Variants in VSTM2B observed in about 807,000 individuals in gnomAD.
VSTM2B encodes V-set and transmembrane domain-containing protein 2B.
In VSTM2B, 24 loss-of-function variants were observed where a neutral mutation model predicts 24.0. The observed-to-expected ratio is 1.00, with a 90% confidence interval of 0.72 to 1.40. The LOEUF (loss-of-function observed/expected upper bound fraction) is 1.40. Among genes scored for constraint, VSTM2B ranks in the 40% most tolerant of loss-of-function variants. The pLI is 0.00. For missense variants in VSTM2B, 399 were observed against 416.4 expected (o/e 0.96, Z 0.36); for synonymous variants, 226 against 194.4 (o/e 1.16, Z -1.35).
rs1328179668 is a variant in VSTM2B at position 29,527,423 on chromosome 19, GCGCGCCCGGCT to G, written c.267+38_267+48del. ...AACCCGCCGCCCACGCGGTACCGGCGCGCGCCCGGCTCGCGCCCGGGGCGGCGAAGGCTAAC... is the reference window on the plus strand; with the variant it reads ...AACCCGCCGCCCACGCGGTACCGGCGCGCGCCCGGGGCGGCGAAGGCTAAC... On this transcript the variant is annotated intron_variant, in intron 2 of 4. Transcript: ENST00000335523. 16 of 1,444,854 alleles carry G rather than the reference GCGCGCCCGGCT, an allele frequency of 1.1e-5. No homozygotes were observed. The Admixed American group carries it at 3.1e-4, about 28-fold the overall frequency. The allele number at this position is 1,444,854 out of a possible 1,614,324, so 89.5% of individuals were successfully genotyped here. A position where few individuals can be genotyped will look rare whatever the true frequency, so the allele number is the denominator to read the frequency against.
At chr19:29,532,862 G>A (rs1167220397) in intron 4 of VSTM2B, among the ~76,000 whole-genome samples, 4 of 152,244 alleles carry the variant, frequency 2.6e-5, no homozygotes, top group Admixed American at 6.5e-5. Context: ...TTAAAGACCG[G>A]TCAAGACCAT....
intron 4 of VSTM2B, among the ~76,000 whole-genome samples, chr19:29,535,097 TA>T (rs1005993138): frequency 3.3e-5 from 5 of 152,210 alleles, no homozygotes; most frequent in African/African-American, 9.7e-5. Context: ...TGCTTAAAAA[TA>T]AACATGGACT....
At chr19:29,527,171 C>A (rs764843537) in intron 1 of VSTM2B, 40 bp from the exon 2 acceptor site, 11 of 1,527,998 alleles carry the variant, frequency 7.2e-6, no homozygotes, top group Non-Finnish European at 9.7e-6. Flanking sequence ...GGCCCCCGAC[C>A]TACAGCTGGT....
rs986044670 is a variant in VSTM2B at position 29,530,189 on chromosome 19, C to A, written c.668C>A (p.Ala223Glu). The change falls in exon 4 of 5, where the codon GCG becomes GAG. Residue 223 changes from alanine to glutamate, a missense_variant. Coordinates refer to ENST00000335523, the MANE Select transcript of VSTM2B (RefSeq NM_001146339.2). Reference protein sequence around the residue: ...PAVPEAAAASAAHTPTTTVAA... With the variant: ...PAVPEAAAASEAHTPTTTVAA... The stretch of plus-strand genomic sequence containing the variant: ...GTCCCCGAGGCCGCGGCAGCCTCGG[C>A]GGCCCACACGCCCACCACCACAGTC... The A allele has an allele frequency of 1.9e-5, 29 of 1,491,140 alleles. No individual in the cohort carries two copies. The highest frequency in any genetic ancestry group is 2.6e-5 in the Non-Finnish European group (29 of 1,127,744). The allele number at this position is 1,491,140 out of a possible 1,614,324, so 92.4% of individuals were successfully genotyped here.
At chr19:29,553,040 G>T (rs926121022) in intron 4 of VSTM2B, among the ~76,000 whole-genome samples, 1 of 152,138 alleles carries the variant, frequency 6.6e-6, no homozygotes, top group Non-Finnish European at 1.5e-5. Flanking sequence ...TCCCCTGCTG[G>T]CTCTGAGGAA....
chr19:29,531,076 C>G (rs1177090009), intron 4 of VSTM2B, among the ~76,000 whole-genome samples: 1 of 73,000 alleles, frequency 1.4e-5, no homozygotes, highest in Non-Finnish European at 2.6e-5. Flanking sequence ...AGCTCTGGGG[C>G]GGTAGGAGCC....
rs1488166990 is a variant in VSTM2B at position 29,530,153 on chromosome 19, T to G, written c.632T>G (p.Ile211Ser). The change falls in exon 4 of 5, where the codon ATC becomes AGC. Residue 211 changes from isoleucine (I) to serine (S), a missense_variant. Coordinates refer to ENST00000335523, the MANE Select transcript of VSTM2B (RefSeq NM_001146339.2). The stretch of plus-strand genomic sequence containing the variant: ...CCGCCCGGGAGCCCTCCCGCCGCCA[T>G]CGATCCCGCAGTCCCCGAGGCCGCG... Reference protein sequence around the residue: ...SPPPGSPPAAIDPAVPEAAAA... With the variant: ...SPPPGSPPAASDPAVPEAAAA... 2 of 1,471,206 alleles carry G rather than the reference T, an allele frequency of 1.4e-6. No individual in the cohort carries two copies. The highest frequency in any genetic ancestry group is 6.0e-5 in the East Asian group (2 of 33,426). 91.1% of individuals were successfully genotyped at this position (1,471,206 alleles called of 1,614,324 possible).
intron 4 of VSTM2B, among the ~76,000 whole-genome samples, chr19:29,551,930 T>C (rs935380487): frequency 6.6e-6 from 1 of 152,190 alleles, no homozygotes; most frequent in Non-Finnish European, 1.5e-5. Flanking sequence ...AATGAGATCC[T>C]ACCTCAGTGA....
intron 4 of VSTM2B, among the ~76,000 whole-genome samples, chr19:29,563,355 C>T (rs574202122): frequency 1.3e-4 from 20 of 151,834 alleles, no homozygotes; most frequent in Non-Finnish European, 2.6e-4. Flanking sequence ...TGGTCTCAAG[C>T]GATCCAGCCT....
In VSTM2B at chr19:29,530,055, C is replaced by T; in HGVS notation, c.534C>T (p.Ser178=). Residue 178 remains serine (S), a synonymous_variant, in exon 4 of 5, where the codon AGC becomes AGT. Coordinates refer to ENST00000335523, the MANE Select transcript of VSTM2B (RefSeq NM_001146339.2). ...GCCCGCGTCGCCACGGCCCAGCCAGCGCCGCCAACGCCAACAACGCGGGCG... is the reference window on the plus strand; with the variant it reads ...GCCCGCGTCGCCACGGCCCAGCCAGTGCCGCCAACGCCAACAACGCGGGCG... ...SSGPRRHGPA[S]AANANNAGAA... is the part of the protein sequence containing the mutation. 8 of 1,513,460 alleles carry T rather than the reference C, an allele frequency of 5.3e-6. No homozygotes were observed. The highest frequency in any genetic ancestry group is 7.0e-6 in the Non-Finnish European group (8 of 1,138,014). The allele number at this position is 1,513,460 out of a possible 1,614,324, so 93.8% of individuals were successfully genotyped here. A position where few individuals can be genotyped will look rare whatever the true frequency, so the allele number is the denominator to read the frequency against.
In VSTM2B at chr19:29,531,140, G is replaced by A. The variant is rs372453962; in HGVS notation, c.769+850G>A. 1.3e-3 allele frequency among the ~76,000 whole-genome samples: 195 copies of A among 152,098 alleles called. 2 individuals carry two copies. The highest frequency in any genetic ancestry group is 4.6e-3 in the African/African-American group (190 of 41,496). The stretch of plus-strand genomic sequence containing the variant: ...GGGGGCGGTTATGGAGGGTAGAAAG[G>A]CTTGCCCAGTGTGCCCCTCCTCCCA... On this transcript the variant is annotated intron_variant, in intron 4 of 4. Transcript: ENST00000335523.
Position 29,526,989 on chromosome 19 carries a change from G to C in VSTM2B, c.83-222G>C. On this transcript the variant is annotated intron_variant, in intron 1 of 4. Transcript: ENST00000335523. This position sits in a 1 kb window ranked among gnomAD's most constrained non-coding sequence, Gnocchi z 4.1. ...AAGCACGAGTCGCCCCTGCCGCCCC[G>C]CCCCATCCGGAGGGAAGCAGTAGGC... 1 of 480,234 alleles carries C rather than the reference G, an allele frequency of 2.1e-6. No individual in the cohort carries two copies. Among genetic ancestry groups the C allele is most frequent in the Non-Finnish European group, 3.6e-6 (1 of 276,202 alleles). The allele number at this position is 480,234 out of a possible 1,614,324, so 29.7% of individuals were successfully genotyped here. A position where few individuals can be genotyped will look rare whatever the true frequency, so the allele number is the denominator to read the frequency against.
chr19:29,556,514 G>T (rs1419767530), intron 4 of VSTM2B, among the ~76,000 whole-genome samples: 1 of 152,198 alleles, frequency 6.6e-6, no homozygotes, highest in Non-Finnish European at 1.5e-5. Flanking sequence ...ATTCACCATA[G>T]TGTTGGAGGT....
At chr19:29,531,211 C>A (rs1167390762) in intron 4 of VSTM2B, among the ~76,000 whole-genome samples, 1 of 152,158 alleles carries the variant, frequency 6.6e-6, no homozygotes, top group Non-Finnish European at 1.5e-5. Context: ...GGCCTCAGAG[C>A]CCACCCCAGT....
chr19:29,541,749 G>T (rs886557252), intron 4 of VSTM2B, among the ~76,000 whole-genome samples: 1 of 151,730 alleles, frequency 6.6e-6, no homozygotes, highest in East Asian at 1.9e-4. Flanking sequence ...TAGGTAGATG[G>T]GTGGATGGTG....
intron 4 of VSTM2B, among the ~76,000 whole-genome samples, chr19:29,548,220 A>G (rs557361366): frequency 1.1e-4 from 17 of 152,250 alleles, no homozygotes; most frequent in South Asian, 4.1e-4. Context: ...CCATCTGGGC[A>G]TCATCACCAA....
intron 4 of VSTM2B, among the ~76,000 whole-genome samples, chr19:29,536,288 A>G (rs1379024506): frequency 2.6e-5 from 4 of 152,226 alleles, no homozygotes; most frequent in Admixed American, 6.6e-5. Context: ...CAGCTGAGGC[A>G]ATCAGGAGAG....
chr19:29,526,570 G>C lies in VSTM2B; in HGVS notation c.-14G>C. On this transcript the variant is annotated 5_prime_UTR_variant, in exon 1 of 5. Transcript: ENST00000335523. The surrounding 1 kb of genome is among the most constrained non-coding windows in gnomAD (Gnocchi z 4.1). ...GCTCCCGGGCCCCCGCCGCCACCGC[G>C]CCCCCCGCGGGAGATGGAACAGCGG... The C allele has an allele frequency of 6.7e-7, 1 of 1,501,756 alleles. No individual in the cohort carries two copies. Among genetic ancestry groups the C allele is most frequent in the South Asian group, 1.2e-5 (1 of 80,470 alleles). The allele number at this position is 1,501,756 out of a possible 1,614,324, so 93.0% of individuals were successfully genotyped here. A position where few individuals can be genotyped will look rare whatever the true frequency, so the allele number is the denominator to read the frequency against.
intron 4 of VSTM2B, among the ~76,000 whole-genome samples, chr19:29,556,333 A>G (rs925037607): frequency 5.3e-5 from 8 of 152,202 alleles, no homozygotes; most frequent in East Asian, 1.9e-4. Flanking sequence ...AAAATTCAAC[A>G]TCCCTTCATG....
Sources: allele counts gnomAD v4.1 joint callset (sites outside exome capture counted in the v4.1 genomes callset), GRCh38; gene constraint gnomAD v4.1.1; non-coding constraint Gnocchi (gnomAD v3.1); transcripts MANE v1.5; gene names NCBI Gene and HGNC (gene_info 2026-07-23, HGNC 2026-07-21).